Variants in GDPD4 observed in about 807,000 individuals in gnomAD.
GDPD4 encodes the protein glycerophosphodiester phosphodiesterase 6.
Under a neutral mutation model 67.8 loss-of-function variants are expected in GDPD4, and 60 were observed. The ratio of observed to expected loss-of-function variants is 0.88; its 90% CI spans 0.72 to 1.10. The LOEUF (loss-of-function observed/expected upper bound fraction) is 1.10. Among genes scored for constraint, GDPD4 ranks in the 50% least tolerant of loss-of-function variants. The pLI, the probability that GDPD4 is intolerant of heterozygous loss-of-function variation, is 0.00. For missense variants in GDPD4, 623 were observed against 613.9 expected (o/e 1.01, Z -0.16); for synonymous variants, 212 against 210.9 (o/e 1.00, Z -0.04).
chr11:77,250,125 A>G (rs997893861), intron 11 of GDPD4, among the ~76,000 whole-genome samples: 2 of 152,278 alleles, frequency 1.3e-5, no homozygotes, highest in East Asian at 3.9e-4. Context: ...TTCAGTGAGT[A>G]CATGTGCCGG....
chr11:77,248,524 T>C (rs1958825492), intron 11 of GDPD4, among the ~76,000 whole-genome samples: 1 of 152,022 alleles, frequency 6.6e-6, no homozygotes, highest in Non-Finnish European at 1.5e-5. Context: ...CTTGTTGATA[T>C]GGGCACCACC....
intron 11 of GDPD4, among the ~76,000 whole-genome samples, chr11:77,254,696 G>A (rs1454763620): frequency 1.3e-5 from 2 of 152,034 alleles, no homozygotes; most frequent in African/African-American, 4.8e-5. Flanking sequence ...CGGAAGTGTT[G>A]GTTGGGCTAA....
At chr11:77,281,978 TA>T (rs1260475754) in intron 3 of GDPD4, among the ~76,000 whole-genome samples, 3 of 151,448 alleles carry the variant, frequency 2.0e-5, no homozygotes, top group African/African-American at 4.8e-5. Context: ...TGAAGAGCAA[TA>T]AAAAAAAGTA....
At chr11:77,246,390 A>G (rs1958785988) in intron 11 of GDPD4, among the ~76,000 whole-genome samples, 1 of 152,266 alleles carries the variant, frequency 6.6e-6, no homozygotes, top group South Asian at 2.1e-4. Flanking sequence ...TCATTCATAT[A>G]TAGCTAATGT....
At chr11:77,283,457 G>C (rs1211745376) in intron 3 of GDPD4, among the ~76,000 whole-genome samples, 2 of 152,118 alleles carry the variant, frequency 1.3e-5, no homozygotes, top group African/African-American at 4.8e-5. Context: ...TTGGATATTA[G>C]ACTTTGCATA....
chr11:77,228,246 C>T (rs188258950), intron 15 of GDPD4, among the ~76,000 whole-genome samples: 1 of 151,854 alleles, frequency 6.6e-6, no homozygotes, highest in Non-Finnish European at 1.5e-5. Context: ...CCCCTGTAAT[C>T]CCGGCACTTT....
At chr11:77,236,178 T>A (rs1958564995) in intron 13 of GDPD4, among the ~76,000 whole-genome samples, 1 of 152,156 alleles carries the variant, frequency 6.6e-6, no homozygotes, top group South Asian at 2.1e-4. Context: ...ATTGTTAACC[T>A]TTTTTCCTCC....
chr11:77,265,392 G>A (rs754045432), intron 10 of GDPD4, among the ~76,000 whole-genome samples: 2 of 152,108 alleles, frequency 1.3e-5, no homozygotes, highest in Non-Finnish European at 2.9e-5. Context: ...GTTTTAAAAT[G>A]TCAGAATGGA....
In GDPD4 at chr11:77,285,265, A is replaced by AG. The variant is rs969550017; in HGVS notation, c.-50-79dup. The AG allele has an allele frequency of 1.7e-5, 12 of 704,018 alleles. No individual in the cohort carries two copies. In the African/African-American group the frequency reaches 1.8e-4, roughly 10 times the overall value. The allele number at this position is 704,018 out of a possible 1,614,324, so 43.6% of individuals were successfully genotyped here. On this transcript the variant is annotated intron_variant, in intron 2 of 16. Transcript: ENST00000315938. ...AGCAGTTTCTGTATACACTTGCCAAAGGTCAGCATAGTTGCACTGCCATGC... is the reference window on the plus strand; with the variant it reads ...AGCAGTTTCTGTATACACTTGCCAAAGGGTCAGCATAGTTGCACTGCCATGC...
rs143900606 is a variant in GDPD4 at position 77,223,157 on chromosome 11, C to T, written c.1525+4707G>A. Among the ~76,000 whole-genome samples the T allele has an allele frequency of 2.0e-3, 304 of 152,274 alleles. 5 individuals carry two copies. The highest frequency in any genetic ancestry group is 7.0e-3 in the African/African-American group (290 of 41,544). ...GTTTTTAGCTTCCTTGCAATGGGTTCGAACATCCTCCTTTCGCTTGGAGAA... is the reference window on the plus strand; with the variant it reads ...GTTTTTAGCTTCCTTGCAATGGGTTTGAACATCCTCCTTTCGCTTGGAGAA... On this transcript the variant is annotated intron_variant, in intron 16 of 16. Coordinates refer to ENST00000315938, the MANE Select transcript of GDPD4 (RefSeq NM_182833.3).
chr11:77,271,435 G>A, intron 5 of GDPD4, 42 bp from the exon 6 acceptor site: 1 of 1,210,500 alleles, frequency 8.3e-7, no homozygotes, highest in South Asian at 1.2e-5. Flanking sequence ...CAAGCACTAG[G>A]CTTGGATCAG....
intron 13 of GDPD4, among the ~76,000 whole-genome samples, 170 bp from the exon 14 acceptor site, chr11:77,233,342 G>C (rs1260234086): frequency 6.7e-6 from 1 of 148,232 alleles, no homozygotes; most frequent in Non-Finnish European, 1.5e-5. Context: ...AGTACAATAA[G>C]ATAAAGGATT....
intron 3 of GDPD4, among the ~76,000 whole-genome samples, chr11:77,282,192 T>TA (rs1392725624): frequency 6.6e-6 from 1 of 152,122 alleles, no homozygotes; most frequent in Non-Finnish European, 1.5e-5. Flanking sequence ...AAAATACTAA[T>TA]ATAAGACTTC....
At chr11:77,249,146 G>A (rs1304373229) in intron 11 of GDPD4, among the ~76,000 whole-genome samples, 1 of 150,306 alleles carries the variant, frequency 6.7e-6, no homozygotes, top group Non-Finnish European at 1.5e-5. Context: ...TGTGCCTGTA[G>A]TCCCAGCTAC....
intron 1 of GDPD4, among the ~76,000 whole-genome samples, chr11:77,294,787 G>C (rs1468487979): frequency 1.3e-5 from 2 of 151,998 alleles, no homozygotes; most frequent in Non-Finnish European, 2.9e-5. Context: ...TCAGCAAAAA[G>C]ACAGACATAG....
Position 77,243,823 on chromosome 11 carries a change from CT to C in GDPD4, c.1111del (p.Arg371GlyfsTer17). 6.2e-7 allele frequency: 1 copy of C among 1,613,108 alleles called. No homozygotes were observed. Among genetic ancestry groups the C allele is most frequent in the Non-Finnish European group, 8.5e-7 (1 of 1,179,632 alleles). On this transcript the variant is annotated frameshift_variant, in exon 13 of 17. Transcript: ENST00000315938. LOFTEE classifies it high-confidence loss of function. Reference protein sequence around the residue: ...HLIFWLPAHDRQYVRSVAPGF... With the variant: ...HLIFWLPAHDXQYVRSVAPGF... ...AGGAGCCACGGACCTGACGTATTGCCTATCATGAGCTGGCAACCAAAAAATC... is the reference window on the plus strand; with the variant it reads ...AGGAGCCACGGACCTGACGTATTGCCATCATGAGCTGGCAACCAAAAAATC...
At chr11:77,257,538 C>T (rs113195034) in intron 11 of GDPD4, among the ~76,000 whole-genome samples, 377 of 135,666 alleles carry the variant, frequency 2.8e-3, no homozygotes, top group African/African-American at 1.0e-2. Context: ...TCCTCTATCC[C>T]TCCCTCCCTC....
chr11:77,271,306 G>A lies in GDPD4; in HGVS notation c.295C>T (p.Leu99=). The change falls in exon 6 of 17, where the codon CTG becomes TTG. Residue 99 remains leucine, a synonymous_variant. Transcript: ENST00000315938. ...AGGATGATGCTTACCTGCATTGACAGCCCAGCTACCAGCCACCTTTCTTTC... is the reference window on the plus strand; with the variant it reads ...AGGATGATGCTTACCTGCATTGACAACCCAGCTACCAGCCACCTTTCTTTC... ...FWKERWLVAG[L]SMQIFAPYVH... is the part of the protein sequence containing the mutation. The A allele has an allele frequency of 6.2e-7, 1 of 1,612,806 alleles. No individual in the cohort carries two copies. Among genetic ancestry groups the A allele is most frequent in the Non-Finnish European group, 8.5e-7 (1 of 1,178,776 alleles).
intron 11 of GDPD4, among the ~76,000 whole-genome samples, chr11:77,255,256 TTGAAGAAATGTTTGAAAACCA>T (rs1784974088): frequency 6.6e-6 from 1 of 152,110 alleles, no homozygotes; most frequent in Admixed American, 6.6e-5. Flanking sequence ...GGAGACAGTT[TTGAAGAAATGTTTGAAAACCA>T]AAAATAAGGC....
Sources: allele counts gnomAD v4.1 joint callset (sites outside exome capture counted in the v4.1 genomes callset), GRCh38; gene constraint gnomAD v4.1.1; transcripts MANE v1.5; gene names NCBI Gene and HGNC (gene_info 2026-07-23, HGNC 2026-07-21).